Variants in PRKCE observed in about 807,000 individuals in gnomAD.
The protein encoded by PRKCE is protein kinase C epsilon, also known as protein kinase C epsilon type.
A neutral mutation model predicts 85.4 loss-of-function variants in PRKCE; 16 were observed. That is an observed-to-expected ratio of 0.19 (90% CI 0.13 to 0.28). PRKCE has a LOEUF of 0.28. Among genes scored for constraint, PRKCE ranks in the 10% least tolerant of loss-of-function variants. The pLI is 1.00. For synonymous variants in PRKCE, 388 were observed against 371.5 expected (o/e 1.04, Z -0.51); for missense variants, 573 against 975.2 (o/e 0.59, Z 5.49).
At chr2:45,988,188 A>T (rs1197485864) in intron 6 of PRKCE, among the ~76,000 whole-genome samples, 1 of 152,178 alleles carries the variant, frequency 6.6e-6, no homozygotes, top group Non-Finnish European at 1.5e-5. Flanking sequence ...GCTGGAGATC[A>T]TCTATTTGGC....
At chr2:45,870,651 A>G (rs113203338) in intron 2 of PRKCE, among the ~76,000 whole-genome samples, 2,113 of 152,338 alleles carry the variant, frequency 0.014, 20 homozygotes, top group Non-Finnish European at 0.021. Flanking sequence ...TCAAGGGGGA[A>G]GAGCCTCGTG....
intron 2 of PRKCE, among the ~76,000 whole-genome samples, chr2:45,863,764 G>T (rs4953278): frequency 0.14 from 21,425 of 151,722 alleles, 1,669 homozygotes; most frequent in South Asian, 0.28. Context: ...TTTGCTAGGG[G>T]GAGGACAAGT....
intron 1 of PRKCE, among the ~76,000 whole-genome samples, chr2:45,662,600 G>A (rs74411691): frequency 4.1e-3 from 623 of 151,794 alleles, no homozygotes; most frequent in African/African-American, 0.014. Flanking sequence ...CTGGGCCTTG[G>A]CTACGGTTAA....
intron 10 of PRKCE, among the ~76,000 whole-genome samples, chr2:46,083,210 C>G (rs1364860784): frequency 1.3e-5 from 2 of 152,166 alleles, no homozygotes; most frequent in Admixed American, 6.5e-5. Flanking sequence ...CTCAGTCTCC[C>G]AAAGTTCTGG....
chr2:45,948,087 T>C (rs1700360195), intron 2 of PRKCE, among the ~76,000 whole-genome samples: 1 of 152,220 alleles, frequency 6.6e-6, no homozygotes, highest in African/African-American at 2.4e-5. Flanking sequence ...TGGAGAACAA[T>C]TTGTGAATTG....
At chr2:46,107,186 A>G (rs1398963686) in intron 11 of PRKCE, among the ~76,000 whole-genome samples, 1 of 152,112 alleles carries the variant, frequency 6.6e-6, no homozygotes, top group Non-Finnish European at 1.5e-5. Flanking sequence ...ATAACCACTT[A>G]CCTTTTTTTA....
intron 10 of PRKCE, chr2:46,073,456 TCTC>T (rs1427639465): frequency 6.6e-6 from 1 of 151,898 alleles, no homozygotes; most frequent in African/African-American, 2.4e-5. Flanking sequence ...AGACTGCCAG[TCTC>T]CTCTAACACT....
At chr2:45,935,067 T>TCACA (rs1553453521) in intron 2 of PRKCE, among the ~76,000 whole-genome samples, 2,415 of 146,320 alleles carry the variant, frequency 0.017, 26 homozygotes, top group African/African-American at 0.029. Context: ...ACTCTCTCTC[T>TCACA]CACACACACA....
At chr2:46,049,482 C>T (rs1200506016) in intron 10 of PRKCE, among the ~76,000 whole-genome samples, 1 of 152,220 alleles carries the variant, frequency 6.6e-6, no homozygotes, top group Admixed American at 6.5e-5. Context: ...ACACGCACAT[C>T]TTGCAATTAA....
intron 2 of PRKCE, among the ~76,000 whole-genome samples, chr2:45,942,739 T>A (rs1699974307): frequency 6.6e-6 from 1 of 152,218 alleles, no homozygotes; most frequent in African/African-American, 2.4e-5. Context: ...TTAATCTTCT[T>A]GAGATTCAGT....
chr2:45,698,894 A>G (rs1420538760), intron 1 of PRKCE, among the ~76,000 whole-genome samples: 2 of 152,134 alleles, frequency 1.3e-5, no homozygotes, highest in Non-Finnish European at 1.5e-5. Flanking sequence ...CTTTTGGGAG[A>G]ATTAACATCC....
rs896463163 is a variant in PRKCE at position 45,689,435 on chromosome 2, G to A, written c.348+36987G>A. Among the ~76,000 whole-genome samples, 10 of 152,028 alleles carry A rather than the reference G, an allele frequency of 6.6e-5. 1 individual carries two copies. In the South Asian group the frequency reaches 8.3e-4, roughly 13 times the overall value. The stretch of plus-strand genomic sequence containing the variant: ...TCTCTATACCTTGTTTCCTATTGGC[G>A]AAAAGAAGGTATTAGACAGTTTCAA... On this transcript the variant is annotated intron_variant, in intron 1 of 14. Transcript: ENST00000306156.
At position 46,138,317 on chromosome 2, in the gene PRKCE, T is replaced by C. The variant is rs1675190775; in HGVS notation, c.1593-6776T>C. On this transcript the variant is annotated intron_variant, in intron 11 of 14. Transcript: ENST00000306156. The surrounding 1 kb of genome is among the most constrained non-coding windows in gnomAD (Gnocchi z 4.2). Reference sequence around the variant, plus strand: ...GCATCAAATAGAGATTTCCAACTCATACGTCTGTCATTTTATCTAATAGGT... The same window carrying C: ...GCATCAAATAGAGATTTCCAACTCACACGTCTGTCATTTTATCTAATAGGT... Among the ~76,000 whole-genome samples, 2 of 152,222 alleles carry C rather than the reference T, an allele frequency of 1.3e-5. No homozygotes were observed. The highest frequency in any genetic ancestry group is 1.3e-4 in the Admixed American group (2 of 15,290).
At chr2:46,024,642 G>A (rs886278204) in intron 10 of PRKCE, among the ~76,000 whole-genome samples, 48 of 152,184 alleles carry the variant, frequency 3.2e-4, no homozygotes. Context: ...TGAGAAGTTT[G>A]TGGCCTTCCC....
chr2:45,934,509 C>T (rs1193195940), intron 2 of PRKCE, among the ~76,000 whole-genome samples: 2 of 152,006 alleles, frequency 1.3e-5, no homozygotes, highest in East Asian at 1.9e-4. Flanking sequence ...ATTAGCCAGA[C>T]GTGGTGGCAC....
At chr2:46,083,504 T>C (rs2103869443) in intron 10 of PRKCE, among the ~76,000 whole-genome samples, 1 of 152,078 alleles carries the variant, frequency 6.6e-6, no homozygotes, top group African/African-American at 2.4e-5. Flanking sequence ...CCATTGTTGC[T>C]AAAGTCCGAG....
At chr2:45,959,926 T>TTA (rs1558887081) in intron 2 of PRKCE, among the ~76,000 whole-genome samples, 1 of 152,202 alleles carries the variant, frequency 6.6e-6, no homozygotes, top group Admixed American at 6.5e-5. Context: ...GTTTGTTTGT[T>TTA]TACTAGCAGT....
intron 9 of PRKCE, among the ~76,000 whole-genome samples, chr2:46,010,072 G>A (rs1341736259): frequency 6.6e-6 from 1 of 152,208 alleles, no homozygotes; most frequent in African/African-American, 2.4e-5. Context: ...GGTAGTAATT[G>A]TAGAATAGGA....
intron 6 of PRKCE, among the ~76,000 whole-genome samples, chr2:46,000,004 C>G (rs1704537110): frequency 6.6e-6 from 1 of 152,184 alleles, no homozygotes. Flanking sequence ...TTCTTACATG[C>G]TGTGTACATT....
Sources: gnomAD v4.1 joint callset for allele counts (sites outside exome capture counted in the v4.1 genomes callset) on GRCh38, gnomAD v4.1.1 for gene constraint, Gnocchi (gnomAD v3.1) non-coding constraint, MANE v1.5 for transcripts, NCBI Gene and HGNC (gene_info 2026-07-23, HGNC 2026-07-21) for gene names.